The following GRIK3 variants were observed in gnomAD, a reference collection of about 807,000 sequenced individuals.
GRIK3 encodes glutamate receptor ionotropic, kainate 3.
A neutral mutation model predicts 102.5 loss-of-function variants in GRIK3; 29 were observed. That is an observed-to-expected ratio of 0.28 (90% CI 0.21 to 0.39). The LOEUF (loss-of-function observed/expected upper bound fraction) is 0.39. GRIK3 is among the 10% of genes least tolerant of loss of function. The pLI, the probability that GRIK3 is intolerant of heterozygous loss-of-function variation, is 1.00. For missense variants in GRIK3, 908 were observed against 1,252.4 expected, an observed-to-expected ratio of 0.73 and a Z score of 4.15; for synonymous variants, 511 against 504.9, an observed-to-expected ratio of 1.01 and a Z score of -0.16.
intron 1 of GRIK3, among the ~76,000 whole-genome samples, chr1:36,979,308 G>T (rs371434109): frequency 2.0e-5 from 3 of 152,224 alleles, no homozygotes; most frequent in African/African-American, 7.2e-5. Context: ...GAACCAACAG[G>T]CCAGGTCTTA....
At chr1:37,010,214 CA>C (rs1557462255) in intron 1 of GRIK3, among the ~76,000 whole-genome samples, 1 of 152,208 alleles carries the variant, frequency 6.6e-6, no homozygotes, top group African/African-American at 2.4e-5. Flanking sequence ...ACTCCTTGCT[CA>C]GCTGCAAATT....
At chr1:36,859,776 G>A in intron 6 of GRIK3, 68 bp downstream of exon 6, 1 of 1,218,194 alleles carries the variant, frequency 8.2e-7, no homozygotes, top group Non-Finnish European at 1.2e-6. Flanking sequence ...GAAACAAGAG[G>A]AAGGAGAGAA....
At chr1:36,923,662 T>A (rs983889535) in intron 1 of GRIK3, among the ~76,000 whole-genome samples, 1 of 152,154 alleles carries the variant, frequency 6.6e-6, no homozygotes, top group Non-Finnish European at 1.5e-5. Context: ...GAAACACTCT[T>A]CCGTGCTCTC....
intron 1 of GRIK3, among the ~76,000 whole-genome samples, chr1:37,031,981 G>A (rs954387373): frequency 6.6e-6 from 1 of 152,186 alleles, no homozygotes; most frequent in African/African-American, 2.4e-5. Context: ...CCAGTCCATG[G>A]GCTGAGAATC....
intron 1 of GRIK3, among the ~76,000 whole-genome samples, chr1:36,902,882 T>A (rs947718404): frequency 6.6e-6 from 1 of 152,076 alleles, no homozygotes; most frequent in African/African-American, 2.4e-5. Context: ...CCCTGCCTCC[T>A]GGGTTCGAGT....
At chr1:36,974,282 T>C (rs1642173082) in intron 1 of GRIK3, among the ~76,000 whole-genome samples, 1 of 152,194 alleles carries the variant, frequency 6.6e-6, no homozygotes, top group Non-Finnish European at 1.5e-5. Flanking sequence ...TGGCCATTAC[T>C]TTCAATGACA....
At chr1:36,910,540 C>G (rs570646234) in intron 1 of GRIK3, among the ~76,000 whole-genome samples, 1 of 152,332 alleles carries the variant, frequency 6.6e-6, no homozygotes, top group South Asian at 2.1e-4. Flanking sequence ...TTCTCAGGCA[C>G]CTCTGTGCCC....
At chr1:36,843,762 G>A (rs542792586) in intron 9 of GRIK3, among the ~76,000 whole-genome samples, 1 of 152,216 alleles carries the variant, frequency 6.6e-6, no homozygotes, top group African/African-American at 2.4e-5. Flanking sequence ...TCAGCCAAAC[G>A]TCCCCAGACC....
At chr1:36,889,312 G>A (rs954964901) in intron 2 of GRIK3, among the ~76,000 whole-genome samples, 4 of 151,474 alleles carry the variant, frequency 2.6e-5, no homozygotes, top group African/African-American at 9.7e-5. Flanking sequence ...AAGCAGAGAG[G>A]GCAGCATGTG....
In GRIK3 at chr1:36,880,588, C is replaced by T. The variant is rs749404521; in HGVS notation, c.550+46G>A. On this transcript the variant is annotated intron_variant, in intron 3 of 15. Coordinates refer to ENST00000373091, the MANE Select transcript of GRIK3 (RefSeq NM_000831.4). This position sits in a 1 kb window ranked among gnomAD's most constrained non-coding sequence, Gnocchi z 5.4. ...ACAAGAGCTTGATCCTGGGCCTCTG[C>T]CCCCCTCAACCGTTGCCCCCAGCCT... The T allele has an allele frequency of 2.5e-6, 4 of 1,585,058 alleles. No individual in the cohort carries two copies. Among genetic ancestry groups the T allele is most frequent in the African/African-American group, 1.3e-5 (1 of 74,482 alleles).
In GRIK3 at chr1:36,872,260, C is replaced by T; in HGVS notation, c.660G>A (p.Glu220=). 1 of 1,613,194 alleles carries T rather than the reference C, an allele frequency of 6.2e-7. No individual in the cohort carries two copies. Among genetic ancestry groups the T allele is most frequent in the Non-Finnish European group, 8.5e-7 (1 of 1,179,602 alleles). The part of the protein sequence containing the change: ...DSDDSRPLLK[E]MKRGREFRII... ...TGCGGAATTCCCGGCCTCGCTTCAT[C>T]TCCTTGAGCAAGGGGCGCGAGTCGT... is the stretch of plus-strand genomic sequence containing the variant. The change falls in exon 4 of 16, where the codon GAG becomes GAA. Residue 220 remains glutamate, a synonymous_variant. Coordinates refer to ENST00000373091, the MANE Select transcript of GRIK3 (RefSeq NM_000831.4). The surrounding 1 kb of genome is among the most constrained non-coding windows in gnomAD (Gnocchi z 5.9).
At chr1:36,925,484 A>G (rs556355371) in intron 1 of GRIK3, among the ~76,000 whole-genome samples, 1 of 152,390 alleles carries the variant, frequency 6.6e-6, no homozygotes, top group South Asian at 2.1e-4. Flanking sequence ...GGCAGCCACC[A>G]GGAGAGAGTG....
chr1:36,984,894 A>C (rs1642288338), intron 1 of GRIK3, among the ~76,000 whole-genome samples: 1 of 152,194 alleles, frequency 6.6e-6, no homozygotes, highest in Non-Finnish European at 1.5e-5. Flanking sequence ...ACACATGCAC[A>C]GTGGGCAGCG....
chr1:36,887,343 C>T (rs1641048961), intron 2 of GRIK3, among the ~76,000 whole-genome samples: 1 of 152,172 alleles, frequency 6.6e-6, no homozygotes, highest in Non-Finnish European at 1.5e-5. Context: ...AATTGGACTT[C>T]TTTAAATTAA....
At chr1:36,942,204 T>G (rs1009098099) in intron 1 of GRIK3, among the ~76,000 whole-genome samples, 6 of 152,148 alleles carry the variant, frequency 3.9e-5, no homozygotes, top group African/African-American at 7.2e-5. Context: ...ACACATTGAA[T>G]TCTCCGTCGA....
intron 13 of GRIK3, 136 bp downstream of exon 13, chr1:36,816,924 G>T: frequency 1.6e-6 from 1 of 644,916 alleles, no homozygotes; most frequent in Non-Finnish European, 2.7e-6. Context: ...TCCAAACACG[G>T]TGGGGCTGAG....
chr1:36,994,998 C>G (rs922969000), intron 1 of GRIK3, among the ~76,000 whole-genome samples: 1 of 152,122 alleles, frequency 6.6e-6, no homozygotes, highest in African/African-American at 2.4e-5. Context: ...ACACATGAGA[C>G]GGACAGACGC....
chr1:36,957,597 CCGTGAGCCTGTGTGCCCT>C (rs1641935646), intron 1 of GRIK3, among the ~76,000 whole-genome samples: 1 of 144,072 alleles, frequency 6.9e-6, no homozygotes, highest in African/African-American at 2.6e-5. Context: ...TCTCTGTGCC[CCGTGAGCCTGTGTGCCCT>C]GTGACTGTGC....
At chr1:36,947,562 C>T (rs1177896775) in intron 1 of GRIK3, among the ~76,000 whole-genome samples, 4 of 152,144 alleles carry the variant, frequency 2.6e-5, no homozygotes, top group Non-Finnish European at 4.4e-5. Flanking sequence ...GTCAGGTTCT[C>T]CTCTCCCCGT....
Sources: allele counts gnomAD v4.1 joint callset (sites outside exome capture counted in the v4.1 genomes callset), GRCh38; gene constraint gnomAD v4.1.1; non-coding constraint Gnocchi (gnomAD v3.1); transcripts MANE v1.5; gene names NCBI Gene and HGNC (gene_info 2026-07-23, HGNC 2026-07-21).